The following ULK2 variants were observed in gnomAD, a reference collection of about 807,000 sequenced individuals.
The protein encoded by ULK2 is serine/threonine-protein kinase ULK2.
Under a neutral mutation model 127.5 loss-of-function variants are expected in ULK2, and 76 were observed. The ratio of observed to expected loss-of-function variants is 0.60; its 90% CI spans 0.50 to 0.72. The LOEUF is 0.72. ULK2 is among the 30% of genes least tolerant of loss of function. The probability of loss-of-function intolerance (pLI) is 0.00; values close to 1 mark genes in which losing one functional copy is unlikely to be tolerated. For synonymous variants in ULK2, 452 were observed against 461.9 expected, an observed-to-expected ratio of 0.98 and a Z score of 0.28; for missense variants, 1,144 against 1,295.9, an observed-to-expected ratio of 0.88 and a Z score of 1.80.
chr17:19,787,313 G>A (rs1470589065), intron 20 of ULK2, among the ~76,000 whole-genome samples: 1 of 151,262 alleles, frequency 6.6e-6, no homozygotes, highest in Non-Finnish European at 1.5e-5. Flanking sequence ...TAGAGACAGG[G>A]TCTCCACCTG....
At chr17:19,815,901 T>C (rs2040977751) in intron 13 of ULK2, among the ~76,000 whole-genome samples, 1 of 152,224 alleles carries the variant, frequency 6.6e-6, no homozygotes, top group Non-Finnish European at 1.5e-5. Flanking sequence ...ACCACTGTAC[T>C]AGATTACTTT....
At chr17:19,790,768 C>T (rs1264781195) in intron 20 of ULK2, among the ~76,000 whole-genome samples, 3 of 152,088 alleles carry the variant, frequency 2.0e-5, no homozygotes. Flanking sequence ...ATAAGAAACA[C>T]ACTTCACCTA....
intron 3 of ULK2, among the ~76,000 whole-genome samples, chr17:19,863,693 A>G (rs933844242): frequency 6.6e-6 from 1 of 151,852 alleles, no homozygotes; most frequent in African/African-American, 2.4e-5. Context: ...ATTTTTTAAC[A>G]TAATATGGCC....
rs202224104 is a variant in ULK2, at chr17:19,815,252, TTTTG to T, written c.1096+1493_1096+1496del. On this transcript the variant is annotated intron_variant, in intron 13 of 26. Transcript: ENST00000395544. ...TTTAGCTGTACTTAACAGCATTTTT[TTTTG>T]TTTGTTTTTTTGTTTGTTTTTTGAG... 2.6e-3 allele frequency among the ~76,000 whole-genome samples: 399 copies of T among 151,918 alleles called. 14 individuals are homozygous for T. The East Asian group carries it at 0.061, about 23-fold the overall frequency.
intron 20 of ULK2, among the ~76,000 whole-genome samples, chr17:19,792,716 C>T (rs187371598): frequency 4.6e-5 from 7 of 151,724 alleles, no homozygotes; most frequent in African/African-American, 7.3e-5. Context: ...AGCGAGACTC[C>T]GTCTCAAAAA....
intron 20 of ULK2, among the ~76,000 whole-genome samples, chr17:19,794,724 A>G (rs927025950): frequency 1.6e-3 from 1 of 610 alleles, no homozygotes; most frequent in Admixed American, 0.014. Flanking sequence ...AGTCATAGAG[A>G]AAAAAAAAAA....
chr17:19,801,664 A>G (rs1261202744), intron 16 of ULK2, 113 bp downstream of exon 16: 2 of 1,422,134 alleles, frequency 1.4e-6, no homozygotes, highest in South Asian at 1.2e-5. Context: ...ATGGCCTCCA[A>G]TCAGCTGAGA....
At chr17:19,780,136 T>C (rs2086888095) in intron 25 of ULK2, among the ~76,000 whole-genome samples, 1 of 148,738 alleles carries the variant, frequency 6.7e-6, no homozygotes, top group African/African-American at 2.5e-5. Flanking sequence ...ATCGTGCCAC[T>C]GTACTCCAGC....
rs754165732 is a variant in ULK2, at chr17:19,776,361, G to A, written c.3099C>T (p.Thr1033=). The A allele has an allele frequency of 5.1e-5, 82 of 1,605,182 alleles. No homozygotes were observed. The highest frequency in any genetic ancestry group is 9.0e-5 in the East Asian group (4 of 44,522). The change falls in exon 27 of 27, where the codon ACC becomes ACT. Residue 1033 remains threonine, a synonymous_variant. Transcript: ENST00000395544. ...ATGAGCCTGCTGCTCACACGGTTGCGGTGCTATGGCAGAGCGCCGACAGTC... is the reference window on the plus strand; with the variant it reads ...ATGAGCCTGCTGCTCACACGGTTGCAGTGCTATGGCAGAGCGCCGACAGTC... ...ERRLSALCHS[T]ATV is the part of the protein sequence containing the mutation.
chr17:19,850,257 G>GT (rs1273476675), intron 3 of ULK2, among the ~76,000 whole-genome samples: 2 of 152,064 alleles, frequency 1.3e-5, no homozygotes, highest in Non-Finnish European at 2.9e-5. Context: ...TTGTTTTTCT[G>GT]TTTTTTATGT....
chr17:19,777,100 T>C (rs184357263), intron 26 of ULK2, among the ~76,000 whole-genome samples: 11 of 152,250 alleles, frequency 7.2e-5, no homozygotes, highest in African/African-American at 2.4e-4. Flanking sequence ...TACCTACCTA[T>C]CTACCTACCT....
intron 9 of ULK2, among the ~76,000 whole-genome samples, chr17:19,838,921 C>T (rs1235871021): frequency 6.6e-6 from 1 of 151,400 alleles, no homozygotes; most frequent in African/African-American, 2.4e-5. Flanking sequence ...GTCCCAGCTA[C>T]TTGGGAGGCT....
At chr17:19,851,813 C>T (rs544512546) in intron 3 of ULK2, among the ~76,000 whole-genome samples, 8 of 151,848 alleles carry the variant, frequency 5.3e-5, no homozygotes, top group Admixed American at 3.9e-4. Flanking sequence ...ATTACAACGT[C>T]AGGAGTTCGA....
intron 15 of ULK2, among the ~76,000 whole-genome samples, chr17:19,803,367 A>G (rs1297861672): frequency 6.6e-6 from 1 of 152,226 alleles, no homozygotes; most frequent in African/African-American, 2.4e-5. Context: ...TGTGTAGTGG[A>G]GAAGAATACA....
intron 17 of ULK2, 95 bp downstream of exon 17, chr17:19,799,400 T>C (rs2087345395): frequency 2.7e-6 from 3 of 1,092,194 alleles, no homozygotes; most frequent in Admixed American, 3.5e-5. Flanking sequence ...AGATATTTCA[T>C]ATCAATTCTG....
At chr17:19,847,405 G>A (rs1316818925) in intron 5 of ULK2, among the ~76,000 whole-genome samples, 2 of 152,116 alleles carry the variant, frequency 1.3e-5, no homozygotes, top group Non-Finnish European at 2.9e-5. Context: ...CTGTGTTCCT[G>A]CATCTACTCT....
At chr17:19,824,397 A>G (rs2041236216) in intron 12 of ULK2, among the ~76,000 whole-genome samples, 1 of 147,514 alleles carries the variant, frequency 6.8e-6, no homozygotes, top group African/African-American at 2.5e-5. Context: ...CAGTGAGCCA[A>G]GATGGAGCCA....
At chr17:19,787,971 A>G (rs2087071266) in intron 20 of ULK2, among the ~76,000 whole-genome samples, 2 of 152,204 alleles carry the variant, frequency 1.3e-5, no homozygotes, top group Admixed American at 6.5e-5. Flanking sequence ...TCACAGTGCA[A>G]AGGAAAACCA....
Position 19,867,457 on chromosome 17 carries a change from G to T in ULK2, c.-40C>A. 3.9e-6 allele frequency: 6 copies of T among 1,541,088 alleles called. No individual in the cohort carries two copies. The highest frequency in any genetic ancestry group is 5.3e-6 in the Non-Finnish European group (6 of 1,137,806). On this transcript the variant is annotated 5_prime_UTR_variant, in exon 1 of 27. Coordinates refer to ENST00000395544, the MANE Select transcript of ULK2 (RefSeq NM_014683.4). Reference sequence around the variant, plus strand: ...GGCACACAGCGGACGGGCGGGCGGCGCAGTGCGGCGCAGGTATCAGCACCG... The same window carrying T: ...GGCACACAGCGGACGGGCGGGCGGCTCAGTGCGGCGCAGGTATCAGCACCG...
Sources: allele counts gnomAD v4.1 joint callset (sites outside exome capture counted in the v4.1 genomes callset), GRCh38; gene constraint gnomAD v4.1.1; transcripts MANE v1.5; gene names NCBI Gene and HGNC (gene_info 2026-07-23, HGNC 2026-07-21).